The following GRM8 variants were observed in gnomAD, a reference collection of about 807,000 sequenced individuals.
GRM8 encodes the protein metabotropic glutamate receptor 8.
A neutral mutation model predicts 87.2 loss-of-function variants in GRM8; 47 were observed. The ratio of observed to expected loss-of-function variants is 0.54; its 90% confidence interval spans 0.43 to 0.69. The LOEUF (loss-of-function observed/expected upper bound fraction) is 0.69. GRM8 is among the 30% of genes least tolerant of loss of function. GRM8 has a pLI of 0.00. For missense variants in GRM8, 1,019 were observed against 1,139.2 expected (o/e 0.89, Z 1.52); for synonymous variants, 396 against 404.5 (o/e 0.98, Z 0.25).
chr7:127,171,189 C>T (rs189003296), intron 2 of GRM8, among the ~76,000 whole-genome samples: 46 of 152,258 alleles, frequency 3.0e-4, no homozygotes, highest in African/African-American at 1.1e-3. Context: ...GACTGAATTG[C>T]TGCAATCTCA....
chr7:127,223,641 CAG>C (rs1352353887), intron 2 of GRM8, among the ~76,000 whole-genome samples: 3 of 151,984 alleles, frequency 2.0e-5, no homozygotes, highest in Non-Finnish European at 4.4e-5. Context: ...GCAAAGGTGT[CAG>C]AGGAGGCTGG....
intron 6 of GRM8, among the ~76,000 whole-genome samples, chr7:126,851,458 C>T (rs888787063): frequency 6.6e-6 from 1 of 152,182 alleles, no homozygotes; most frequent in African/African-American, 2.4e-5. Context: ...GTTCCCATCT[C>T]AAAGTAAGAG....
chr7:126,645,549 G>A (rs1257831047), intron 7 of GRM8, among the ~76,000 whole-genome samples: 1 of 152,164 alleles, frequency 6.6e-6, no homozygotes, highest in East Asian at 1.9e-4. Flanking sequence ...GATAGCTCCA[G>A]TTCTCCCACA....
At chr7:127,218,868 T>G (rs1587306089) in intron 2 of GRM8, among the ~76,000 whole-genome samples, 1 of 152,244 alleles carries the variant, frequency 6.6e-6, no homozygotes. Context: ...GCCTTGCTGC[T>G]TCTTTTTCTT....
chr7:127,248,836 C>T (rs969290030), intron 1 of GRM8, among the ~76,000 whole-genome samples: 1 of 152,162 alleles, frequency 6.6e-6, no homozygotes, highest in Non-Finnish European at 1.5e-5. Context: ...AAAAAGTCAA[C>T]CCTGGCAAGC....
intron 7 of GRM8, among the ~76,000 whole-genome samples, chr7:126,651,924 T>C (rs1480309777): frequency 6.6e-6 from 1 of 152,014 alleles, no homozygotes; most frequent in African/African-American, 2.4e-5. Flanking sequence ...GGAATGAAGG[T>C]TTGGGTGACT....
intron 6 of GRM8, among the ~76,000 whole-genome samples, chr7:126,828,148 A>C (rs1432541841): frequency 6.6e-6 from 1 of 152,116 alleles, no homozygotes; most frequent in Non-Finnish European, 1.5e-5. Context: ...ATCAATGTTC[A>C]TCAAGGATAT....
intron 9 of GRM8, among the ~76,000 whole-genome samples, chr7:126,496,330 T>C (rs1208005068): frequency 6.6e-6 from 1 of 151,824 alleles, no homozygotes; most frequent in Non-Finnish European, 1.5e-5. Context: ...CTGCAGATTT[T>C]ATAGATTAGA....
intron 9 of GRM8, among the ~76,000 whole-genome samples, chr7:126,479,052 T>C (rs1351708153): frequency 6.6e-6 from 1 of 152,032 alleles, no homozygotes; most frequent in Non-Finnish European, 1.5e-5. Flanking sequence ...GATATTAACT[T>C]TCTTTTGCTT....
chr7:127,012,823 A>G (rs1335118652), intron 3 of GRM8, among the ~76,000 whole-genome samples: 2 of 152,296 alleles, frequency 1.3e-5, no homozygotes, highest in East Asian at 3.9e-4. Flanking sequence ...GCTTCAGGAA[A>G]AAGAAAAAAG....
chr7:127,196,775 C>G (rs1795299686), intron 2 of GRM8, among the ~76,000 whole-genome samples: 1 of 152,202 alleles, frequency 6.6e-6, no homozygotes, highest in African/African-American at 2.4e-5. Context: ...GGATAAGTCA[C>G]TTAACTTCTC....
intron 2 of GRM8, among the ~76,000 whole-genome samples, chr7:127,156,178 G>T (rs1792718078): frequency 6.6e-6 from 1 of 152,142 alleles, no homozygotes; most frequent in African/African-American, 2.4e-5. Context: ...TATGTGAGTG[G>T]ATAGGCTGGG....
intron 3 of GRM8, among the ~76,000 whole-genome samples, chr7:126,948,202 A>T (rs540888169): frequency 8.5e-5 from 13 of 152,220 alleles, no homozygotes; most frequent in African/African-American, 3.1e-4. Context: ...ACAGGAATTT[A>T]TGGGATGCTC....
chr7:126,450,376 C>G (rs571472264), intron 9 of GRM8, among the ~76,000 whole-genome samples: 73 of 151,918 alleles, frequency 4.8e-4, no homozygotes, highest in African/African-American at 1.7e-3. Flanking sequence ...TTATTCCTGA[C>G]TATTTCTGTT....
At chr7:126,937,196 G>T (rs1305952081) in intron 3 of GRM8, among the ~76,000 whole-genome samples, 1 of 152,178 alleles carries the variant, frequency 6.6e-6, no homozygotes, top group East Asian at 1.9e-4. Flanking sequence ...GGCAGGCCTG[G>T]ATTTCCCATT....
intron 2 of GRM8, among the ~76,000 whole-genome samples, chr7:127,110,648 T>C (rs1826262780): frequency 6.6e-6 from 1 of 152,194 alleles, no homozygotes; most frequent in Admixed American, 6.5e-5. Flanking sequence ...TCCACTTTTC[T>C]AACAATTATT....
intron 2 of GRM8, among the ~76,000 whole-genome samples, chr7:127,152,104 TAC>T (rs1345094473): frequency 6.6e-6 from 1 of 151,980 alleles, no homozygotes; most frequent in Non-Finnish European, 1.5e-5. Flanking sequence ...GTAGAGAAAC[TAC>T]AGAGACAGGG....
intron 1 of GRM8, among the ~76,000 whole-genome samples, chr7:127,247,701 C>T (rs1798650302): frequency 6.6e-6 from 1 of 152,144 alleles, no homozygotes; most frequent in African/African-American, 2.4e-5. Context: ...CCCCTCACCC[C>T]TATGTGCTTC....
intron 2 of GRM8, among the ~76,000 whole-genome samples, chr7:127,133,478 G>A (rs922593623): frequency 3.3e-5 from 5 of 151,796 alleles, no homozygotes; most frequent in East Asian, 1.9e-4. Context: ...TTGGGATGCC[G>A]AGGCAGGCGA....
Sources: allele counts gnomAD v4.1 joint callset (sites outside exome capture counted in the v4.1 genomes callset), GRCh38; gene constraint gnomAD v4.1.1; transcripts MANE v1.5; gene names NCBI Gene and HGNC (gene_info 2026-07-23, HGNC 2026-07-21).